Variants in INTS6 observed in about 807,000 individuals in gnomAD.
INTS6 encodes DEAD box protein.
Under a neutral mutation model 104.9 loss-of-function variants are expected in INTS6, and 16 were observed. The ratio of observed to expected loss-of-function variants is 0.15; its 90% confidence interval spans 0.10 to 0.23. The LOEUF (loss-of-function observed/expected upper bound fraction) is 0.23, where lower values mean the gene tolerates loss of function less well. Ranked by LOEUF, INTS6 falls within the 10% of genes least tolerant of loss-of-function variation. The pLI, the probability that INTS6 is intolerant of heterozygous loss-of-function variation, is 1.00. For synonymous variants in INTS6, 324 were observed against 358.7 expected, an observed-to-expected ratio of 0.90 and a Z score of 1.09; for missense variants, 584 against 1,062.8, an observed-to-expected ratio of 0.55 and a Z score of 6.26.
At chr13:51,356,764 C>A (rs1955487877), downstream of INTS6, among the ~76,000 whole-genome samples, 1 of 146,038 alleles carries the variant, frequency 6.8e-6, no homozygotes, top group Admixed American at 7.0e-5. Context: ...TTTAAAAGTA[C>A]CTTTTTTGAT....
chr13:51,390,865 A>C (rs1338826123), intron 5 of INTS6, among the ~76,000 whole-genome samples: 1 of 152,072 alleles, frequency 6.6e-6, no homozygotes, highest in Admixed American at 6.6e-5. Flanking sequence ...TATGATTATT[A>C]ATTTCTTTAA....
chr13:51,423,848 A>T (rs1190827760), intron 4 of INTS6, among the ~76,000 whole-genome samples: 1 of 151,866 alleles, frequency 6.6e-6, no homozygotes, highest in Non-Finnish European at 1.5e-5. Context: ...TGTGTAGCTT[A>T]AAAAAAATTG....
At chr13:51,449,195 T>C (rs1350107140) in intron 3 of INTS6, 2 of 152,274 alleles carry the variant, frequency 1.3e-5, no homozygotes, top group African/African-American at 2.4e-5. Context: ...ATTAATATTA[T>C]GCTTTGCAAT....
At chr13:51,348,340 C>A in the INTS6 span, 1 of 1,613,956 alleles carries the variant, frequency 6.2e-7, no homozygotes, top group Non-Finnish European at 8.5e-7. Context: ...TCGAGCCACA[C>A]CTCACAGCCA....
intron 4 of INTS6, among the ~76,000 whole-genome samples, chr13:51,420,756 TAA>T (rs75997381): frequency 6.0e-4 from 75 of 125,804 alleles, no homozygotes; most frequent in African/African-American, 9.6e-4. Flanking sequence ...CTAGCTAAAT[TAA>T]AAAAAAAAAA....
Position 51,387,540 on chromosome 13 carries a change from T to C in INTS6, c.740A>G (p.Asp247Gly). The change falls in exon 7 of 18, where the codon GAT becomes GGT. Residue 247 changes from aspartate to glycine, a missense_variant and splice_region_variant. Around this residue, in one of 5 missense-constraint regions of INTS6, gnomAD observed 144 missense variants for 348.7 expected, o/e 0.41. Transcript: ENST00000311234. ...KAGPDPSPVE[D>G]GQPDISRPFG... ...AGGCCTTGATATATCTGGCTGCCCATCTATAGCAAAGAAATTAAGACAAAG... is the reference window on the plus strand; with the variant it reads ...AGGCCTTGATATATCTGGCTGCCCACCTATAGCAAAGAAATTAAGACAAAG... 1 of 1,602,928 alleles carries C rather than the reference T, an allele frequency of 6.2e-7. No homozygotes were observed. The highest frequency in any genetic ancestry group is 8.5e-7 in the Non-Finnish European group (1 of 1,174,254).
At chr13:51,384,675 C>T (rs997037991) in intron 7 of INTS6, 27 of 456,534 alleles carry the variant, frequency 5.9e-5, no homozygotes, top group African/African-American at 4.8e-4. Flanking sequence ...GATATCTTCC[C>T]CTCATCCTCC....
chr13:51,453,000 G>A lies in INTS6; in HGVS notation c.-475C>T, dbSNP rs1953099746. 5.0e-6 allele frequency: 5 copies of A among 1,007,782 alleles called. No individual in the cohort carries two copies. The highest frequency in any genetic ancestry group is 3.8e-5 in the South Asian group (1 of 26,612). 62.4% of individuals were successfully genotyped at this position (1,007,782 alleles called of 1,614,324 possible). ...CAGGGACTCCCTCCGCACCCCGGCG[G>A]TGTCACCACTTTCTCAGCCCCTCTC... On this transcript the variant is annotated 5_prime_UTR_variant, in exon 1 of 18. Transcript: ENST00000311234. The surrounding 1 kb of genome is among the most constrained non-coding windows in gnomAD (Gnocchi z 4.2).
intron 4 of INTS6, among the ~76,000 whole-genome samples, chr13:51,404,161 CT>C (rs1315303339): frequency 6.7e-6 from 1 of 150,306 alleles, no homozygotes; most frequent in African/African-American, 2.5e-5. Context: ...GCAGTCCCAG[CT>C]AGTTGGGAGG....
intron 4 of INTS6, among the ~76,000 whole-genome samples, chr13:51,400,511 T>C (rs1481860979): frequency 6.6e-6 from 1 of 152,226 alleles, no homozygotes; most frequent in Non-Finnish European, 1.5e-5. Context: ...GGGGCAAAGA[T>C]ACATTTTTTT....
intron 4 of INTS6, among the ~76,000 whole-genome samples, chr13:51,409,151 C>A (rs1448994408): frequency 7.9e-5 from 12 of 151,664 alleles, no homozygotes; most frequent in Non-Finnish European, 5.9e-5. Context: ...CTTTTTAGCA[C>A]CATGAGTTTG....
chr13:51,444,252 A>ATTTTTTT (rs57566246), intron 3 of INTS6: 2 of 54,410 alleles, frequency 3.7e-5, no homozygotes, highest in African/African-American at 1.9e-4. Context: ...CCCCCAGCTA[A>ATTTTTTT]TTTTTTTTTT....
intron 4 of INTS6, among the ~76,000 whole-genome samples, chr13:51,398,361 T>C (rs1399810892): frequency 6.6e-6 from 1 of 151,730 alleles, no homozygotes; most frequent in Non-Finnish European, 1.5e-5. Context: ...ACTAGAAAAA[T>C]ATGCAATAAA....
chr13:51,348,332 G>T, the INTS6 span: 1 of 1,613,802 alleles, frequency 6.2e-7, no homozygotes. Flanking sequence ...GAGCCACATC[G>T]AGCCACACCT....
the INTS6 span, among the ~76,000 whole-genome samples, chr13:51,340,075 G>A: frequency 2.0e-5 from 3 of 152,176 alleles, no homozygotes; most frequent in Non-Finnish European, 4.4e-5. Flanking sequence ...CGTGCTCAGT[G>A]GCCTTGCTTG....
At chr13:51,419,214 C>T (rs1431831829) in intron 4 of INTS6, among the ~76,000 whole-genome samples, 1 of 152,158 alleles carries the variant, frequency 6.6e-6, no homozygotes, top group African/African-American at 2.4e-5. Flanking sequence ...CCAAAAAAAC[C>T]TGCTCTTTGT....
the INTS6 span, among the ~76,000 whole-genome samples, chr13:51,343,774 C>T: frequency 2.9e-4 from 44 of 152,280 alleles, no homozygotes; most frequent in Middle Eastern, 0.01. Context: ...TTTAAAGCCC[C>T]GTACAAGACA....
intron 3 of INTS6, chr13:51,447,411 A>G (rs1053688757): frequency 6.6e-6 from 1 of 152,236 alleles, no homozygotes; most frequent in Admixed American, 6.5e-5. Context: ...ATGCTCAAAA[A>G]TAAAATTGGT....
At chr13:51,450,970 T>G (rs1953030545) in intron 3 of INTS6, 55 bp downstream of exon 3, 1 of 1,445,056 alleles carries the variant, frequency 6.9e-7, no homozygotes, top group African/African-American at 1.4e-5. Context: ...GACTGGACTG[T>G]GTTTTTCCAC....
Sources: gnomAD v4.1 joint callset for allele counts (sites outside exome capture counted in the v4.1 genomes callset) on GRCh38, gnomAD v4.1.1 for gene constraint, gnomAD v4.1.1 regional missense constraint, Gnocchi (gnomAD v3.1) non-coding constraint, MANE v1.5 for transcripts, NCBI Gene and HGNC (gene_info 2026-07-23, HGNC 2026-07-21) for gene names.